The following ST6GALNAC5 variants were observed in gnomAD, a reference collection of about 807,000 sequenced individuals.
The protein encoded by ST6GALNAC5 is alpha-N-acetylgalactosaminide alpha-2,6-sialyltransferase 5.
Under a neutral mutation model 33.6 loss-of-function variants are expected in ST6GALNAC5, and 27 were observed. The ratio of observed to expected loss-of-function variants is 0.80; its 90% confidence interval spans 0.59 to 1.11. The LOEUF is 1.11. Ranked by LOEUF, ST6GALNAC5 falls within the 50% of genes least tolerant of loss-of-function variation. The probability of loss-of-function intolerance (pLI) is 0.00; values close to 1 mark genes in which losing one functional copy is unlikely to be tolerated. For synonymous variants in ST6GALNAC5, 194 were observed against 171.2 expected (o/e 1.13, Z -1.04); for missense variants, 428 against 454.0 (o/e 0.94, Z 0.52).
At chr1:76,940,410 G>A (rs1185565594) in intron 2 of ST6GALNAC5, among the ~76,000 whole-genome samples, 9 of 152,204 alleles carry the variant, frequency 5.9e-5, no homozygotes, top group Admixed American at 2.0e-4. Context: ...GAGCACTGGC[G>A]TGGTACTTGT....
intron 4 of ST6GALNAC5, among the ~76,000 whole-genome samples, chr1:77,059,248 T>C (rs2100480717): frequency 6.6e-6 from 1 of 152,302 alleles, no homozygotes; most frequent in African/African-American, 2.4e-5. Context: ...TATTGAGATT[T>C]TACCAGTTTC....
intron 2 of ST6GALNAC5, among the ~76,000 whole-genome samples, chr1:76,905,036 G>A (rs1476574049): frequency 6.6e-6 from 1 of 152,050 alleles, no homozygotes; most frequent in Non-Finnish European, 1.5e-5. Context: ...TATATGAGGT[G>A]TTCACTTTAT....
chr1:76,932,576 T>G (rs1647155787), intron 2 of ST6GALNAC5, among the ~76,000 whole-genome samples: 1 of 152,086 alleles, frequency 6.6e-6, no homozygotes, highest in Non-Finnish European at 1.5e-5. Context: ...CTAAGGGGCA[T>G]TGAGAATTTC....
rs551307336 is a variant in ST6GALNAC5, at chr1:76,888,669, C to G, written c.261+19927C>G. On this transcript the variant is annotated intron_variant, in intron 2 of 4. Coordinates refer to ENST00000477717, the MANE Select transcript of ST6GALNAC5 (RefSeq NM_030965.3). Reference sequence around the variant, plus strand: ...ACCATTTTTTCCCCTTCTTCTTATTCCATTTTTAGCCTGTATTAGTTTAAA... The same window carrying G: ...ACCATTTTTTCCCCTTCTTCTTATTGCATTTTTAGCCTGTATTAGTTTAAA... Among the ~76,000 whole-genome samples the G allele has an allele frequency of 5.9e-5, 9 of 151,516 alleles. No individual in the cohort carries two copies. The South Asian group carries it at 1.3e-3, about 21-fold the overall frequency.
intron 2 of ST6GALNAC5, among the ~76,000 whole-genome samples, chr1:77,025,479 C>T (rs910421030): frequency 1.3e-5 from 2 of 150,662 alleles, no homozygotes; most frequent in Admixed American, 6.6e-5. Flanking sequence ...GAGATCACAC[C>T]ATTGAACTCC....
intron 2 of ST6GALNAC5, among the ~76,000 whole-genome samples, chr1:76,887,001 C>T (rs1006852562): frequency 6.6e-6 from 1 of 152,096 alleles, no homozygotes; most frequent in African/African-American, 2.4e-5. Flanking sequence ...AAAAATAATG[C>T]TGCGATGAAC....
intron 2 of ST6GALNAC5, among the ~76,000 whole-genome samples, chr1:76,869,647 G>A (rs1022213162): frequency 8.5e-5 from 13 of 152,118 alleles, no homozygotes; most frequent in South Asian, 2.1e-4. Flanking sequence ...GTTGTGAACC[G>A]AAGTAATATA....
intron 2 of ST6GALNAC5, among the ~76,000 whole-genome samples, chr1:77,012,796 C>A (rs150191128): frequency 7.2e-4 from 109 of 152,220 alleles, no homozygotes; most frequent in African/African-American, 2.6e-3. Context: ...AGGCAGTACT[C>A]TAGGGGATAC....
intron 4 of ST6GALNAC5, among the ~76,000 whole-genome samples, chr1:77,058,001 A>T (rs1292171117): frequency 1.3e-5 from 2 of 152,312 alleles, no homozygotes; most frequent in African/African-American, 4.8e-5. Flanking sequence ...AGCACCACAC[A>T]TGGGGCTCCT....
chr1:76,913,017 T>C (rs1646930307), intron 2 of ST6GALNAC5, among the ~76,000 whole-genome samples: 1 of 152,172 alleles, frequency 6.6e-6, no homozygotes. Flanking sequence ...CTAGTCTCCA[T>C]GGTCTTTACA....
chr1:76,883,020 T>C (rs1210443068), intron 2 of ST6GALNAC5, among the ~76,000 whole-genome samples: 1 of 152,182 alleles, frequency 6.6e-6, no homozygotes, highest in African/African-American at 2.4e-5. Context: ...TTCTAAAGTT[T>C]TCCCAGATAC....
intron 2 of ST6GALNAC5, chr1:76,995,586 T>C (rs1211198086): frequency 6.6e-6 from 1 of 152,074 alleles, no homozygotes; most frequent in East Asian, 1.9e-4. Context: ...GTCTCTCTCC[T>C]AGAGTTAAAT....
chr1:77,021,034 A>G (rs1424126953), intron 2 of ST6GALNAC5, among the ~76,000 whole-genome samples: 1 of 152,216 alleles, frequency 6.6e-6, no homozygotes, highest in African/African-American at 2.4e-5. Context: ...GAAGCCACAC[A>G]GTGACACTTT....
chr1:77,045,631 C>T (rs950598315), intron 3 of ST6GALNAC5, among the ~76,000 whole-genome samples: 1 of 152,080 alleles, frequency 6.6e-6, no homozygotes, highest in African/African-American at 2.4e-5. Context: ...TAAGCTGAGA[C>T]CCAGGGCAAT....
At chr1:76,930,922 G>C (rs780545720) in intron 2 of ST6GALNAC5, among the ~76,000 whole-genome samples, 37 of 152,272 alleles carry the variant, frequency 2.4e-4, no homozygotes, top group Non-Finnish European at 5.0e-4. Context: ...TTGTCTCCTG[G>C]TGTTCACACC....
intron 4 of ST6GALNAC5, among the ~76,000 whole-genome samples, chr1:77,061,258 A>G (rs1161674732): frequency 6.6e-6 from 1 of 151,800 alleles, no homozygotes; most frequent in East Asian, 1.9e-4. Flanking sequence ...TAGATGCTGC[A>G]TGACAAAAAT....
intron 2 of ST6GALNAC5, among the ~76,000 whole-genome samples, chr1:76,999,235 T>C (rs773396793): frequency 6.6e-6 from 1 of 152,180 alleles, no homozygotes; most frequent in Non-Finnish European, 1.5e-5. Flanking sequence ...TTTTCTGTAA[T>C]TAAAAAAGGG....
rs139180655 is a variant in ST6GALNAC5 at position 76,956,803 on chromosome 1, A to G, written c.262-87401A>G. ...TACACAGTAACCAAAGTCACATACA[A>G]TCTTTAGCATAGATTTGGGGAGGAG... On this transcript the variant is annotated intron_variant, in intron 2 of 4. Transcript: ENST00000477717. Among the ~76,000 whole-genome samples, 6 of 152,266 alleles carry G rather than the reference A, an allele frequency of 3.9e-5. No individual in the cohort carries two copies. The East Asian group carries it at 7.7e-4, about 20-fold the overall frequency.
intron 2 of ST6GALNAC5, among the ~76,000 whole-genome samples, chr1:76,900,610 C>A: frequency 6.6e-6 from 1 of 152,142 alleles, no homozygotes; most frequent in East Asian, 1.9e-4. Context: ...GATACCTAGT[C>A]AAAGCAGTTG....
Sources: gnomAD v4.1 joint callset for allele counts (sites outside exome capture counted in the v4.1 genomes callset) on GRCh38, gnomAD v4.1.1 for gene constraint, MANE v1.5 for transcripts, NCBI Gene and HGNC (gene_info 2026-07-23, HGNC 2026-07-21) for gene names.